The following EFCAB10 variants were observed in gnomAD, a reference collection of about 807,000 sequenced individuals.
The protein encoded by EFCAB10 is EF-hand calcium-binding domain-containing protein 10.
In EFCAB10, 7 loss-of-function variants were observed where a neutral mutation model predicts 7.7. The observed-to-expected ratio is 0.91, with a 90% CI of 0.52 to 1.72. The LOEUF is 1.72. EFCAB10 is among the 40% of genes most tolerant of loss of function. EFCAB10 has a pLI of 0.00. For missense variants in EFCAB10, 112 were observed against 61.5 expected (o/e 1.82, Z -2.74); for synonymous variants, 52 against 21.0 (o/e 2.47, Z -4.03).
intron 1 of EFCAB10, chr7:105,571,369 A>G (rs1251639692): frequency 1.3e-5 from 2 of 152,200 alleles, no homozygotes. Flanking sequence ...CTTTCAATGG[A>G]AAATTTTAAA....
intron 1 of EFCAB10, among the ~76,000 whole-genome samples, chr7:105,576,169 C>T (rs1247895094): frequency 6.6e-6 from 1 of 152,102 alleles, no homozygotes; most frequent in Non-Finnish European, 1.5e-5. Flanking sequence ...TACGAAAGAA[C>T]AGATCTCATG....
At chr7:105,576,407 T>C (rs868857342) in intron 1 of EFCAB10, among the ~76,000 whole-genome samples, 2 of 152,058 alleles carry the variant, frequency 1.3e-5, no homozygotes, top group Admixed American at 6.5e-5. Context: ...CTCCCCAGCT[T>C]TGGTGTTTAT....
At chr7:105,568,284 T>C (rs866485140) in intron 3 of EFCAB10, among the ~76,000 whole-genome samples, 1 of 152,316 alleles carries the variant, frequency 6.6e-6, no homozygotes, top group Middle Eastern at 3.4e-3. Context: ...TATTCAATAA[T>C]AGTTACTTGA....
At chr7:105,577,276 A>C (rs943760141) in intron 1 of EFCAB10, among the ~76,000 whole-genome samples, 5 of 152,200 alleles carry the variant, frequency 3.3e-5, no homozygotes, top group African/African-American at 1.2e-4. Context: ...GGAAAAAAAG[A>C]ATCTTCAAGA....
At chr7:105,570,436 G>A (rs761854669) in intron 1 of EFCAB10, among the ~76,000 whole-genome samples, 29 of 150,974 alleles carry the variant, frequency 1.9e-4, no homozygotes, top group Non-Finnish European at 2.9e-4. Context: ...AAAAAATCAC[G>A]ATCAACTTAC....
chr7:105,581,057 T>A (rs1018473318), intron 1 of EFCAB10, among the ~76,000 whole-genome samples: 2 of 152,128 alleles, frequency 1.3e-5, no homozygotes, highest in African/African-American at 4.8e-5. Context: ...CTGTCGCTAC[T>A]AAAAATACAA....
At chr7:105,581,320 A>G (rs1177427661) in intron 1 of EFCAB10, 38 bp downstream of exon 1, 4 of 701,788 alleles carry the variant, frequency 5.7e-6, no homozygotes, top group South Asian at 1.5e-5. Flanking sequence ...CGAACCCCAC[A>G]TGGAGGTATG....
intron 3 of EFCAB10, among the ~76,000 whole-genome samples, chr7:105,568,953 GAAAAAAAAA>G (rs55730992): frequency 8.2e-6 from 1 of 121,776 alleles, no homozygotes; most frequent in Non-Finnish European, 1.7e-5. Flanking sequence ...CCATCTCAGG[GAAAAAAAAA>G]AAAAAAAAAA....
At position 105,565,318 on chromosome 7, in the gene EFCAB10, C is replaced by A. The variant is rs1791660722; in HGVS notation, c.*129G>T. On this transcript the variant is annotated 3_prime_UTR_variant, in exon 5 of 5. Transcript: ENST00000480514. Reference sequence around the variant, plus strand: ...TCTCAGTCAGAGCAGGCAGTGATGTCCCTGTCCAGTTCGGCTTGCCCGTTG... The same window carrying A: ...TCTCAGTCAGAGCAGGCAGTGATGTACCTGTCCAGTTCGGCTTGCCCGTTG... The A allele has an allele frequency of 6.2e-7, 1 of 1,614,058 alleles. No homozygotes were observed. The highest frequency in any genetic ancestry group is 1.7e-5 in the Admixed American group (1 of 60,002).
rs1792236916 is a variant in EFCAB10, at chr7:105,581,475, C to G, written c.-12G>C. ...CTGCTGGTCTCCATCGCTCCGCGTCCCGCTGTTGCTAGGCGACTGCCTGGC... is the reference window on the plus strand; with the variant it reads ...CTGCTGGTCTCCATCGCTCCGCGTCGCGCTGTTGCTAGGCGACTGCCTGGC... On this transcript the variant is annotated 5_prime_UTR_variant, in exon 1 of 5. Transcript: ENST00000480514. 7.1e-6 allele frequency: 5 copies of G among 702,894 alleles called. No homozygotes were observed. The highest frequency in any genetic ancestry group is 6.0e-5 in the Admixed American group (3 of 49,980). 43.5% of individuals were successfully genotyped at this position (702,894 alleles called of 1,614,324 possible). A position where few individuals can be genotyped will look rare whatever the true frequency, so the allele number is the denominator to read the frequency against.
chr7:105,581,250 C>T (rs918019020), intron 1 of EFCAB10, 108 bp downstream of exon 1: 47 of 649,272 alleles, frequency 7.2e-5, no homozygotes, highest in Non-Finnish European at 1.2e-4. Flanking sequence ...AGCAGAAGGG[C>T]TCACGTGGCT....
intron 2 of EFCAB10, 47 bp downstream of exon 2, chr7:105,569,360 T>C (rs1336553023): frequency 4.3e-6 from 3 of 695,078 alleles, no homozygotes; most frequent in African/African-American, 1.8e-5. Context: ...TAGAAAAAAC[T>C]GTGGAATGAC....
At chr7:105,567,228 G>T (rs758224586) in intron 4 of EFCAB10, 1 of 1,613,698 alleles carries the variant, frequency 6.2e-7, no homozygotes, top group Non-Finnish European at 8.5e-7. Context: ...AGCATTAAAT[G>T]AAGTTGGAAT....
At chr7:105,567,531 A>G (rs918965615) in intron 3 of EFCAB10, 41 bp from the exon 4 acceptor site, 3 of 684,692 alleles carry the variant, frequency 4.4e-6, no homozygotes, top group Middle Eastern at 3.8e-4. Flanking sequence ...TGAAAACTCA[A>G]TTCTATTTAC....
chr7:105,565,518 T>G, intron 4 of EFCAB10, 71 bp from the exon 5 acceptor site: 2 of 1,610,028 alleles, frequency 1.2e-6, no homozygotes, highest in Non-Finnish European at 1.7e-6. Context: ...TATGAATTAT[T>G]CTTTGTTTCA....
chr7:105,572,917 T>C (rs536074860), intron 1 of EFCAB10: 7 of 152,308 alleles, frequency 4.6e-5, no homozygotes, highest in Admixed American at 6.5e-5. Context: ...ATTAGTGATA[T>C]TGAGCATTTT....
chr7:105,576,036 T>G (rs1347815732), intron 1 of EFCAB10, among the ~76,000 whole-genome samples: 2 of 151,922 alleles, frequency 1.3e-5, no homozygotes, highest in Non-Finnish European at 2.9e-5. Flanking sequence ...AAACTCCGTC[T>G]CAACAAAAAA....
chr7:105,565,228 A>G lies in EFCAB10; in HGVS notation c.*219T>C. The G allele has an allele frequency of 6.5e-7, 1 of 1,532,670 alleles. No individual in the cohort carries two copies. The highest frequency in any genetic ancestry group is 8.8e-7 in the Non-Finnish European group (1 of 1,131,824). 94.9% of individuals were successfully genotyped at this position (1,532,670 alleles called of 1,614,324 possible). A position where few individuals can be genotyped will look rare whatever the true frequency, so the allele number is the denominator to read the frequency against. Reference sequence around the variant, plus strand: ...AAATTTAAAATGATTTAAAAACTTGAAAAATAGAAACTGATGAAAATTTTT... The same window carrying G: ...AAATTTAAAATGATTTAAAAACTTGGAAAATAGAAACTGATGAAAATTTTT... On this transcript the variant is annotated 3_prime_UTR_variant, in exon 5 of 5. Transcript: ENST00000480514.
chr7:105,570,296 TACACAC>T (rs1171143262), intron 1 of EFCAB10, among the ~76,000 whole-genome samples: 2 of 115,562 alleles, frequency 1.7e-5, no homozygotes, highest in East Asian at 2.8e-4. Flanking sequence ...CATATACACA[TACACAC>T]ACACATATAT....
Sources: allele counts gnomAD v4.1 joint callset (sites outside exome capture counted in the v4.1 genomes callset), GRCh38; gene constraint gnomAD v4.1.1; transcripts MANE v1.5; gene names NCBI Gene and HGNC (gene_info 2026-07-23, HGNC 2026-07-21).